Variants in RSF1 observed in about 807,000 individuals in gnomAD.
The protein encoded by RSF1 is HBV pX-associated protein 8.
In RSF1, 13 loss-of-function variants were observed where a neutral mutation model predicts 145.2. The ratio of observed to expected loss-of-function variants is 0.09; its 90% CI spans 0.06 to 0.14. RSF1 has a LOEUF of 0.14. Among genes scored for constraint, RSF1 ranks in the 10% least tolerant of loss-of-function variants. RSF1 has a pLI of 1.00. For missense variants in RSF1, 1,517 were observed against 1,718.2 expected, an observed-to-expected ratio of 0.88 and a Z score of 2.07; for synonymous variants, 577 against 592.6, an observed-to-expected ratio of 0.97 and a Z score of 0.38.
chr11:77,665,174 G>A lies in RSF1; in HGVS notation c.*1743C>T, dbSNP rs1318596307. On this transcript the variant is annotated 3_prime_UTR_variant, in exon 16 of 16. Transcript: ENST00000308488. ...AAAAGGAGTATAAAGTTCCTAGAGA[G>A]GTATTTATAATGCAAATCTAATGCC... The A allele has an allele frequency of 6.6e-6, 1 of 152,112 alleles. No individual in the cohort carries two copies. The highest frequency in any genetic ancestry group is 2.4e-5 in the African/African-American group (1 of 41,410). 9.4% of individuals were successfully genotyped at this position (152,112 alleles called of 1,614,324 possible).
At chr11:77,814,099 G>A (rs146334658) in intron 1 of RSF1, among the ~76,000 whole-genome samples, 60 of 151,744 alleles carry the variant, frequency 4.0e-4, no homozygotes, top group African/African-American at 1.3e-3. Flanking sequence ...ACTTGGGAGC[G>A]TGAGGCAGGA....
chr11:77,709,428 T>C (rs1331722141), intron 5 of RSF1, among the ~76,000 whole-genome samples: 1 of 152,188 alleles, frequency 6.6e-6, no homozygotes, highest in Non-Finnish European at 1.5e-5. Flanking sequence ...CTGCATATAC[T>C]CAATAAATAT....
intron 1 of RSF1, among the ~76,000 whole-genome samples, chr11:77,802,395 A>G (rs1282422725): frequency 6.6e-6 from 1 of 152,224 alleles, no homozygotes; most frequent in Non-Finnish European, 1.5e-5. Context: ...AGTAAGTGTC[A>G]GAATCAAATT....
chr11:77,870,027 A>G, the RSF1 span: 3 of 383,732 alleles, frequency 7.8e-6, no homozygotes, highest in African/African-American at 2.1e-5. Context: ...CATTTCAACT[A>G]TTTCTCAGAA....
rs145731194 is a variant in RSF1, at chr11:77,716,605, G to C, written c.733+8940C>G. On this transcript the variant is annotated intron_variant, in intron 5 of 15. Coordinates refer to ENST00000308488, the MANE Select transcript of RSF1 (RefSeq NM_016578.4). ...AGCAGAGTAGAATAGTGGTTATGAG[G>C]GACTGAAGGTGTGGGGAGATGCTGG... 2.8e-3 allele frequency among the ~76,000 whole-genome samples: 429 copies of C among 152,176 alleles called. 5 individuals are homozygous for C. Among genetic ancestry groups the C allele is most frequent in the Admixed American group, 3.8e-3 (58 of 15,280 alleles).
chr11:77,815,431 T>C (rs1948772418), intron 1 of RSF1, among the ~76,000 whole-genome samples: 1 of 152,174 alleles, frequency 6.6e-6, no homozygotes, highest in South Asian at 2.1e-4. Context: ...ACTATACCCA[T>C]CAGGTAGAGT....
At chr11:77,832,418 C>T in the RSF1 span, among the ~76,000 whole-genome samples, 3 of 150,446 alleles carry the variant, frequency 2.0e-5, no homozygotes, top group Non-Finnish European at 3.0e-5. Flanking sequence ...CCTCCGCCTC[C>T]CGGGTTCAAG....
In RSF1 at chr11:77,701,886, T is replaced by C. The variant is rs1960434344; in HGVS notation, c.1343A>G (p.Asp448Gly). Reference protein sequence around the residue: ...GKQLVNGEVSDERVAPNFKTE... With the variant: ...GKQLVNGEVSGERVAPNFKTE... ...CTTAAAATTTGGAGCTACCCTTTCA[T>C]CACTAACTTCTCCATTTACCAGCTG... The change falls in exon 6 of 16, where the codon GAT becomes GGT. Residue 448 changes from aspartate to glycine, a missense_variant. By Grantham distance (94) the Asp-to-Gly change is moderately conservative (BLOSUM62 -1). Transcript: ENST00000308488. The C allele has an allele frequency of 6.2e-7, 1 of 1,613,946 alleles. No individual in the cohort carries two copies. The highest frequency in any genetic ancestry group is 1.3e-5 in the African/African-American group (1 of 74,908).
chr11:77,869,801 T>G, the RSF1 span: 1 of 1,613,886 alleles, frequency 6.2e-7, no homozygotes, highest in Non-Finnish European at 8.5e-7. Context: ...GGCCGAGGGA[T>G]GAGTGAGGCC....
chr11:77,752,493 C>T (rs1333628864), intron 2 of RSF1, among the ~76,000 whole-genome samples: 3 of 152,120 alleles, frequency 2.0e-5, no homozygotes, highest in African/African-American at 7.2e-5. Context: ...ACACCACCTC[C>T]CCATCAATTC....
chr11:77,771,414 C>A (rs1189764553), intron 1 of RSF1, among the ~76,000 whole-genome samples: 3 of 152,094 alleles, frequency 2.0e-5, no homozygotes, highest in African/African-American at 7.2e-5. Flanking sequence ...AAAGGAAATG[C>A]ATGTATGAAA....
the RSF1 span, among the ~76,000 whole-genome samples, chr11:77,870,447 CT>C: frequency 1.3e-5 from 2 of 149,206 alleles, no homozygotes; most frequent in African/African-American, 5.0e-5. Context: ...TGCCATTCTC[CT>C]GTCTCAGCCT....
At chr11:77,797,025 G>A (rs1434607017) in intron 1 of RSF1, among the ~76,000 whole-genome samples, 1 of 152,192 alleles carries the variant, frequency 6.6e-6, no homozygotes, top group Non-Finnish European at 1.5e-5. Context: ...CAAACAAATG[G>A]AAAAACATTC....
intron 9 of RSF1, among the ~76,000 whole-genome samples, chr11:77,690,580 C>T (rs952079155): frequency 1.3e-5 from 2 of 152,134 alleles, no homozygotes; most frequent in Non-Finnish European, 2.9e-5. Context: ...TACAGGTGTG[C>T]GACACCATGC....
At chr11:77,818,642 G>A (rs1050970736) in intron 1 of RSF1, among the ~76,000 whole-genome samples, 1 of 152,102 alleles carries the variant, frequency 6.6e-6, no homozygotes, top group Non-Finnish European at 1.5e-5. Context: ...AGCCGGGCTC[G>A]GTGGTGCACA....
chr11:77,848,642 G>A, the RSF1 span, among the ~76,000 whole-genome samples: 1 of 152,162 alleles, frequency 6.6e-6, no homozygotes, highest in Non-Finnish European at 1.5e-5. Context: ...TTACAAGTGT[G>A]AGCCACCGTG....
At position 77,744,070 on chromosome 11, in the gene RSF1, C is replaced by T. The variant is rs527782455; in HGVS notation, c.372+2966G>A. ...TTGAGACAGAGTCTTGCTCTGTCACCCAGGCTAGAGTGCAGTGGTGTGGTC... is the reference window on the plus strand; with the variant it reads ...TTGAGACAGAGTCTTGCTCTGTCACTCAGGCTAGAGTGCAGTGGTGTGGTC... On this transcript the variant is annotated intron_variant, in intron 3 of 15. Coordinates refer to ENST00000308488, the MANE Select transcript of RSF1 (RefSeq NM_016578.4). Among the ~76,000 whole-genome samples the T allele has an allele frequency of 1.3e-3, 193 of 152,166 alleles. 1 individual carries two copies. The highest frequency in any genetic ancestry group is 4.5e-3 in the African/African-American group (186 of 41,516).
At chr11:77,866,184 A>C in the RSF1 span, among the ~76,000 whole-genome samples, 1 of 152,238 alleles carries the variant, frequency 6.6e-6, no homozygotes, top group Non-Finnish European at 1.5e-5. Context: ...AATAGGGAGA[A>C]ATGTTCAAGA....
chr11:77,770,994 C>G (rs1948276811), intron 1 of RSF1, among the ~76,000 whole-genome samples: 1 of 152,168 alleles, frequency 6.6e-6, no homozygotes, highest in Non-Finnish European at 1.5e-5. Flanking sequence ...GGGGCAATGG[C>G]TTCTAGTATC....
Sources: allele counts gnomAD v4.1 joint callset (sites outside exome capture counted in the v4.1 genomes callset), GRCh38; gene constraint gnomAD v4.1.1; transcripts MANE v1.5; gene names NCBI Gene and HGNC (gene_info 2026-07-23, HGNC 2026-07-21).